Variants in ANO4 observed in about 807,000 individuals in gnomAD.
ANO4 encodes anoctamin-4.
Under a neutral mutation model 141.9 loss-of-function variants are expected in ANO4, and 69 were observed. That is an observed-to-expected ratio of 0.49 (90% CI 0.40 to 0.59). The LOEUF is 0.59. Among genes scored for constraint, ANO4 ranks in the 20% least tolerant of loss-of-function variants. ANO4 has a pLI of 0.00. For synonymous variants in ANO4, 350 were observed against 394.3 expected, an observed-to-expected ratio of 0.89 and a Z score of 1.33; for missense variants, 894 against 1,162.2, an observed-to-expected ratio of 0.77 and a Z score of 3.36.
intron 3 of ANO4, among the ~76,000 whole-genome samples, chr12:100,758,463 C>T (rs927742742): frequency 2.6e-5 from 4 of 152,154 alleles, no homozygotes; most frequent in African/African-American, 9.7e-5. Flanking sequence ...ATTCTGTCCT[C>T]TCTGGAGAGA....
intron 2 of ANO4, among the ~76,000 whole-genome samples, chr12:100,911,320 T>C (rs2041092031): frequency 6.6e-6 from 1 of 152,320 alleles, no homozygotes. Flanking sequence ...TCTTATTTAA[T>C]GTGCTATTAC....
At chr12:100,968,938 C>T (rs551894511) in intron 5 of ANO4, among the ~76,000 whole-genome samples, 74 of 152,202 alleles carry the variant, frequency 4.9e-4, no homozygotes, top group Non-Finnish European at 8.4e-4. Flanking sequence ...GCAGCTGTGC[C>T]GGGAGGACTG....
At chr12:100,736,098 A>G (rs2031597762) in intron 2 of ANO4, among the ~76,000 whole-genome samples, 1 of 152,182 alleles carries the variant, frequency 6.6e-6, no homozygotes, top group Non-Finnish European at 1.5e-5. Flanking sequence ...GAGGTTGAAA[A>G]TTAAAGTCTG....
intron 5 of ANO4, among the ~76,000 whole-genome samples, chr12:100,946,808 G>T (rs868094787): frequency 5.3e-5 from 8 of 152,172 alleles, no homozygotes; most frequent in Admixed American, 4.6e-4. Flanking sequence ...TTACAATTTG[G>T]ATGATAAAAA....
intron 18 of ANO4, among the ~76,000 whole-genome samples, chr12:101,095,175 A>C (rs1054729185): frequency 6.6e-6 from 1 of 152,220 alleles, no homozygotes; most frequent in Non-Finnish European, 1.5e-5. Context: ...CATCATTCTG[A>C]CAACAGATAG....
In ANO4 at chr12:100,919,736, G is replaced by GTATGTATCTATCTATC. The variant is rs3059277; in HGVS notation, c.56-2487_56-2486insGTATCTATCTATCTAT. Among the ~76,000 whole-genome samples, 529 of 133,130 alleles carry GTATGTATCTATCTATC rather than the reference G, an allele frequency of 4.0e-3. 2 individuals are homozygous for GTATGTATCTATCTATC. Among genetic ancestry groups the GTATGTATCTATCTATC allele is most frequent in the East Asian group, 6.6e-3 (30 of 4,550 alleles). 87.3% of individuals were successfully genotyped at this position (133,130 alleles called of 152,430 possible). ...TGTATGTATGTATGTGTGTATGTATGTATCTATCTATCTATCTATCTATCT... is the reference window on the plus strand; with the variant it reads ...TGTATGTATGTATGTGTGTATGTATGTATGTATCTATCTATCTATCTATCTATCTATCTATCTATCT... On this transcript the variant is annotated intron_variant, in intron 2 of 27. Coordinates refer to ENST00000392977, the MANE Select transcript of ANO4 (RefSeq NM_001286615.2).
intron 1 of ANO4, among the ~76,000 whole-genome samples, chr12:100,854,594 C>T (rs1236976726): frequency 6.6e-6 from 1 of 152,132 alleles, no homozygotes. Flanking sequence ...CCAGGTGTAT[C>T]ACCTCCCTTA....
At chr12:101,101,294 T>TTG (rs2050176706) in intron 22 of ANO4, among the ~76,000 whole-genome samples, 1 of 152,202 alleles carries the variant, frequency 6.6e-6, no homozygotes, top group Non-Finnish European at 1.5e-5. Flanking sequence ...TACATACCCT[T>TTG]TGTAGTTGGC....
chr12:101,043,744 T>C, intron 13 of ANO4, 109 bp downstream of exon 13: 1 of 764,074 alleles, frequency 1.3e-6, no homozygotes, highest in South Asian at 1.6e-5. Flanking sequence ...TTCAAGTGAA[T>C]GTTGTAGGAT....
intron 1 of ANO4, among the ~76,000 whole-genome samples, chr12:100,878,106 T>C (rs1427807842): frequency 6.6e-6 from 1 of 152,114 alleles, no homozygotes; most frequent in African/African-American, 2.4e-5. Flanking sequence ...CACAAAGCAA[T>C]ATTGTGCATT....
In ANO4 at chr12:101,033,481, A is replaced by AT. The variant is rs1436754521; in HGVS notation, c.842-3614_842-3613insT. ...TTAAAGTATAATAATAATAATAATA[A>AT]AAATTAACTCAAGATGGATTAAAGA... On this transcript the variant is annotated intron_variant, in intron 9 of 27. Transcript: ENST00000392977. Among the ~76,000 whole-genome samples the AT allele has an allele frequency of 2.0e-3, 299 of 152,178 alleles. 1 individual carries two copies. The highest frequency in any genetic ancestry group is 6.7e-3 in the African/African-American group (280 of 41,536).
At chr12:100,748,038 G>A (rs543776887) in intron 3 of ANO4, among the ~76,000 whole-genome samples, 1 of 152,150 alleles carries the variant, frequency 6.6e-6, no homozygotes, top group Non-Finnish European at 1.5e-5. Flanking sequence ...AGCAGAGCAT[G>A]GTGTCTTATA....
chr12:100,900,816 A>G (rs998187149), intron 1 of ANO4, among the ~76,000 whole-genome samples: 3 of 152,212 alleles, frequency 2.0e-5, no homozygotes, highest in Admixed American at 6.5e-5. Flanking sequence ...ACTAATAAAA[A>G]ATGGCTAGTA....
Position 101,108,407 on chromosome 12 carries a change from TCTTA to T in ANO4, c.2150-1992_2150-1989del. Among the ~76,000 whole-genome samples, 4 of 149,432 alleles carry T rather than the reference TCTTA, an allele frequency of 2.7e-5. No homozygotes were observed. In the South Asian group the frequency reaches 8.3e-4, roughly 31 times the overall value. On this transcript the variant is annotated intron_variant, in intron 22 of 27. Coordinates refer to ENST00000392977, the MANE Select transcript of ANO4 (RefSeq NM_001286615.2). ...CTACAACGCTGGGATTAGAGTCCTTTCTTACTTAACTTGTTTTGGGCAAGTTACC... is the reference window on the plus strand; with the variant it reads ...CTACAACGCTGGGATTAGAGTCCTTTCTTAACTTGTTTTGGGCAAGTTACC...
chr12:100,984,062 C>T (rs947794217), intron 7 of ANO4, among the ~76,000 whole-genome samples: 1 of 152,018 alleles, frequency 6.6e-6, no homozygotes, highest in South Asian at 2.1e-4. Flanking sequence ...CAGTTCACAC[C>T]CTCCAGCCCC....
intron 3 of ANO4, among the ~76,000 whole-genome samples, chr12:100,780,675 C>G (rs1033239752): frequency 1.6e-4 from 24 of 152,088 alleles, no homozygotes; most frequent in Non-Finnish European, 3.5e-4. Flanking sequence ...TTGCTACATC[C>G]TGTTTTGATC....
intron 8 of ANO4, among the ~76,000 whole-genome samples, chr12:101,015,724 T>C (rs2046289787): frequency 6.6e-6 from 1 of 152,140 alleles, no homozygotes; most frequent in African/African-American, 2.4e-5. Context: ...GTATGTTTGC[T>C]CTCCCCCTAG....
chr12:101,099,960 T>G (rs1319426747), intron 22 of ANO4, among the ~76,000 whole-genome samples: 7 of 152,216 alleles, frequency 4.6e-5, no homozygotes, highest in Admixed American at 2.0e-4. Flanking sequence ...GCTTTGGAAG[T>G]AAATTATCTG....
intron 3 of ANO4, among the ~76,000 whole-genome samples, chr12:100,749,554 G>C (rs185432976): frequency 1.3e-5 from 2 of 152,134 alleles, no homozygotes; most frequent in Non-Finnish European, 2.9e-5. Flanking sequence ...TCCTCCATGT[G>C]TGCTGGTTAT....
Sources: gnomAD v4.1 joint callset for allele counts (sites outside exome capture counted in the v4.1 genomes callset) on GRCh38, gnomAD v4.1.1 for gene constraint, MANE v1.5 for transcripts, NCBI Gene and HGNC (gene_info 2026-07-23, HGNC 2026-07-21) for gene names.